CNTN5: variants seen among roughly 807,000 people sequenced by gnomAD.
CNTN5 encodes the protein contactin 5.
In CNTN5, 77 loss-of-function variants were observed where a neutral mutation model predicts 129.1. The ratio of observed to expected loss-of-function variants is 0.60; its 90% confidence interval spans 0.50 to 0.72. CNTN5 has a LOEUF of 0.72. Ranked by LOEUF, CNTN5 falls within the 30% of genes least tolerant of loss-of-function variation. The pLI is 0.00. For synonymous variants in CNTN5, 509 were observed against 465.6 expected, an observed-to-expected ratio of 1.09 and a Z score of -1.20; for missense variants, 1,478 against 1,328.8, an observed-to-expected ratio of 1.11 and a Z score of -1.75.
intron 3 of CNTN5, among the ~76,000 whole-genome samples, chr11:99,699,189 C>T (rs2134854295): frequency 6.6e-6 from 1 of 151,358 alleles, no homozygotes; most frequent in Middle Eastern, 3.4e-3. Context: ...AAAAGCAAAT[C>T]CTTTTAGTAT....
At chr11:99,811,924 A>G (rs1165284860) in intron 3 of CNTN5, among the ~76,000 whole-genome samples, 1 of 152,176 alleles carries the variant, frequency 6.6e-6, no homozygotes, top group Non-Finnish European at 1.5e-5. Flanking sequence ...TTATTAAAAG[A>G]CTGAGCAACT....
intron 1 of CNTN5, among the ~76,000 whole-genome samples, chr11:99,301,161 C>T (rs888109605): frequency 1.3e-5 from 2 of 151,284 alleles, no homozygotes; most frequent in African/African-American, 4.8e-5. Flanking sequence ...ATATTTGACA[C>T]AAAAGTAGGC....
In CNTN5 at chr11:100,285,898, C is replaced by G. The variant is rs927614423; in HGVS notation, c.2315-11727C>G. Among the ~76,000 whole-genome samples, 3 of 152,236 alleles carry G rather than the reference C, an allele frequency of 2.0e-5. No homozygotes were observed. The South Asian group carries it at 6.2e-4, about 32-fold the overall frequency. ...CAGTGGGCGCAGGTCAGTGGGTGCGCGCACCGTGCGCGAGCCGAAGCAGGG... is the reference window on the plus strand; with the variant it reads ...CAGTGGGCGCAGGTCAGTGGGTGCGGGCACCGTGCGCGAGCCGAAGCAGGG... On this transcript the variant is annotated intron_variant, in intron 18 of 24. Coordinates refer to ENST00000524871, the MANE Select transcript of CNTN5 (RefSeq NM_014361.4).
At chr11:99,312,870 T>A (rs1865174041) in intron 1 of CNTN5, among the ~76,000 whole-genome samples, 1 of 151,772 alleles carries the variant, frequency 6.6e-6, no homozygotes, top group African/African-American at 2.4e-5. Context: ...ATTGGAAGCC[T>A]AGGGATGTAA....
intron 18 of CNTN5, among the ~76,000 whole-genome samples, chr11:100,294,344 C>G (rs1338529420): frequency 3.3e-5 from 5 of 151,532 alleles, no homozygotes; most frequent in Non-Finnish European, 7.4e-5. Context: ...TTTTTTCATT[C>G]TGTGTTTACA....
chr11:99,193,843 T>A (rs1442176647), intron 1 of CNTN5, among the ~76,000 whole-genome samples: 2 of 152,176 alleles, frequency 1.3e-5, no homozygotes, highest in African/African-American at 4.8e-5. Context: ...AAGCTCATCA[T>A]TCAAAAATTT....
intron 1 of CNTN5, among the ~76,000 whole-genome samples, chr11:99,158,550 T>A (rs930436567): frequency 2.0e-5 from 3 of 152,166 alleles, no homozygotes; most frequent in African/African-American, 4.8e-5. Flanking sequence ...TTTTTTTGCA[T>A]ATAACAAAGG....
At chr11:100,105,359 G>A (rs1241430473) in intron 13 of CNTN5, among the ~76,000 whole-genome samples, 2 of 152,074 alleles carry the variant, frequency 1.3e-5, no homozygotes, top group African/African-American at 2.4e-5. Context: ...TTGCATCTGT[G>A]TGGATAGAGG....
At chr11:100,088,656 G>T (rs1270137897) in intron 13 of CNTN5, among the ~76,000 whole-genome samples, 1 of 151,960 alleles carries the variant, frequency 6.6e-6, no homozygotes, top group African/African-American at 2.4e-5. Flanking sequence ...ATAAATTTAT[G>T]AAAACACACA....
chr11:99,284,919 C>G (rs1335417399), intron 1 of CNTN5, among the ~76,000 whole-genome samples: 1 of 151,954 alleles, frequency 6.6e-6, no homozygotes, highest in Non-Finnish European at 1.5e-5. Flanking sequence ...ACTTGCCTTG[C>G]TTTTGGTTAA....
chr11:99,075,866 A>G (rs191357193), intron 1 of CNTN5, among the ~76,000 whole-genome samples: 3 of 152,354 alleles, frequency 2.0e-5, no homozygotes, highest in Admixed American at 1.3e-4. Flanking sequence ...TTTCCAAAAA[A>G]GCAGTGAAAA....
At chr11:99,961,218 A>AC (rs1950936667) in intron 8 of CNTN5, among the ~76,000 whole-genome samples, 1 of 145,992 alleles carries the variant, frequency 6.8e-6, no homozygotes. Context: ...AAAAAAAAAA[A>AC]AAAAAAACAG....
rs990188365 is a variant in CNTN5 at position 100,287,208 on chromosome 11, C to T, written c.2315-10417C>T. ...GCAGAATATTATCCAGGAGAACTTC[C>T]CCAATCTAGCAAGGCAGGCCAACAT... On this transcript the variant is annotated intron_variant, in intron 18 of 24. Coordinates refer to ENST00000524871, the MANE Select transcript of CNTN5 (RefSeq NM_014361.4). Among the ~76,000 whole-genome samples the T allele has an allele frequency of 1.2e-4, 19 of 152,238 alleles. 2 individuals are homozygous for T. The highest frequency in any genetic ancestry group is 4.6e-4 in the African/African-American group (19 of 41,530).
intron 3 of CNTN5, among the ~76,000 whole-genome samples, chr11:99,623,748 T>A (rs622909): frequency 0.43 from 59,158 of 137,142 alleles, 13,034 homozygotes; most frequent in Admixed American, 0.56. Context: ...ATACAAAAAA[T>A]AAAAAAAAAA....
chr11:99,102,266 G>C (rs1479361987), intron 1 of CNTN5, among the ~76,000 whole-genome samples: 7 of 151,790 alleles, frequency 4.6e-5, no homozygotes, highest in African/African-American at 1.7e-4. Context: ...GATGGGAGGG[G>C]CTGCTGCAAA....
At chr11:99,894,734 C>T (rs559110426) in intron 6 of CNTN5, among the ~76,000 whole-genome samples, 2 of 152,112 alleles carry the variant, frequency 1.3e-5, no homozygotes, top group African/African-American at 2.4e-5. Context: ...AATGATTATG[C>T]AGAAAAACAA....
chr11:99,947,545 T>G (rs892460521), intron 7 of CNTN5, among the ~76,000 whole-genome samples: 1 of 152,124 alleles, frequency 6.6e-6, no homozygotes, highest in Non-Finnish European at 1.5e-5. Context: ...ACAAAAAACA[T>G]TTTTGAAAAA....
intron 1 of CNTN5, among the ~76,000 whole-genome samples, chr11:99,244,785 G>A (rs1861734141): frequency 6.6e-6 from 1 of 152,154 alleles, no homozygotes; most frequent in Admixed American, 6.5e-5. Context: ...ATACCAATTT[G>A]AGAATTTTCA....
chr11:99,620,717 C>A (rs2048514), intron 3 of CNTN5, among the ~76,000 whole-genome samples: 1 of 151,360 alleles, frequency 6.6e-6, no homozygotes, highest in East Asian at 1.9e-4. Flanking sequence ...CCCGCTCCCC[C>A]CCGGCCATCA....
Sources: allele counts gnomAD v4.1 joint callset (sites outside exome capture counted in the v4.1 genomes callset), GRCh38; gene constraint gnomAD v4.1.1; transcripts MANE v1.5; gene names NCBI Gene and HGNC (gene_info 2026-07-23, HGNC 2026-07-21).